The following MTA3 variants were observed in gnomAD, a reference collection of about 807,000 sequenced individuals.
MTA3 encodes metastasis-associated protein MTA3.
A neutral mutation model predicts 83.5 loss-of-function variants in MTA3; 34 were observed. The ratio of observed to expected loss-of-function variants is 0.41; its 90% CI spans 0.31 to 0.54. MTA3 has a LOEUF of 0.54. Among genes scored for constraint, MTA3 ranks in the 20% least tolerant of loss-of-function variants. MTA3 has a pLI of 0.33. For missense variants in MTA3, 761 were observed against 726.4 expected (o/e 1.05, Z -0.55); for synonymous variants, 303 against 252.7 (o/e 1.20, Z -1.89).
chr2:42,612,806 A>G (rs1684387159), intron 4 of MTA3, among the ~76,000 whole-genome samples: 1 of 152,172 alleles, frequency 6.6e-6, no homozygotes, highest in South Asian at 2.1e-4. Flanking sequence ...GGTTGCAGTG[A>G]GCCAAGATCG....
chr2:42,658,020 C>T (rs11888168), intron 7 of MTA3, among the ~76,000 whole-genome samples: 21,626 of 137,996 alleles, frequency 0.16, 1,732 homozygotes, highest in Middle Eastern at 0.25. Context: ...TGCAGTAAGC[C>T]GAGATCGCAC....
At chr2:42,687,154 A>T (rs1351124281) in intron 9 of MTA3, among the ~76,000 whole-genome samples, 1 of 152,068 alleles carries the variant, frequency 6.6e-6, no homozygotes, top group Admixed American at 6.6e-5. Flanking sequence ...CATCACCACA[A>T]TCAAGACACA....
intron 13 of MTA3, 44 bp downstream of exon 13, chr2:42,708,098 T>C (rs1666255907): frequency 6.4e-7 from 1 of 1,558,642 alleles, no homozygotes; most frequent in Non-Finnish European, 8.6e-7. Context: ...TGTTTTTAAA[T>C]GGGTTGATTA....
At chr2:42,612,322 C>G (rs942649601) in intron 4 of MTA3, among the ~76,000 whole-genome samples, 3 of 152,054 alleles carry the variant, frequency 2.0e-5, no homozygotes, top group Non-Finnish European at 4.4e-5. Context: ...TCAAGCGATC[C>G]TCCCACCTCA....
chr2:42,593,442 G>C (rs931322095), intron 3 of MTA3, among the ~76,000 whole-genome samples: 8 of 152,130 alleles, frequency 5.3e-5, no homozygotes, highest in Non-Finnish European at 8.8e-5. Flanking sequence ...AATTCTATGT[G>C]CTATACATTT....
At chr2:42,753,241 T>C in intron 16 of MTA3, 133 bp from the exon 17 acceptor site, 1 of 1,485,492 alleles carries the variant, frequency 6.7e-7, no homozygotes, top group East Asian at 2.5e-5. Context: ...GTCATGAGAT[T>C]TTCTTTGACC....
At chr2:42,697,552 C>G in intron 10 of MTA3, among the ~76,000 whole-genome samples, 1 of 152,136 alleles carries the variant, frequency 6.6e-6, no homozygotes, top group Middle Eastern at 3.4e-3. Flanking sequence ...TTTTTTTAAA[C>G]CTATGCCTAA....
chr2:42,699,243 C>T (rs200959445), intron 11 of MTA3, among the ~76,000 whole-genome samples: 3 of 152,090 alleles, frequency 2.0e-5, no homozygotes, highest in Non-Finnish European at 4.4e-5. Context: ...GCTCTGTCAC[C>T]GTGGTTTAAG....
At chr2:42,578,633 G>T (rs1679301462) in intron 2 of MTA3, among the ~76,000 whole-genome samples, 1 of 152,210 alleles carries the variant, frequency 6.6e-6, no homozygotes, top group Non-Finnish European at 1.5e-5. Flanking sequence ...ATACTTAGGG[G>T]AGGGCTTGGT....
chr2:42,542,477 C>G (rs886667977), intron 2 of MTA3, among the ~76,000 whole-genome samples: 1 of 152,150 alleles, frequency 6.6e-6, no homozygotes, highest in Non-Finnish European at 1.5e-5. Flanking sequence ...TCAATATTAA[C>G]CGTCACACGT....
At chr2:42,753,164 A>G (rs1273648101) in intron 16 of MTA3, among the ~76,000 whole-genome samples, 3 of 152,108 alleles carry the variant, frequency 2.0e-5, no homozygotes, top group African/African-American at 7.2e-5. Flanking sequence ...TCTGGCCTCA[A>G]GCCATCCACC....
At chr2:42,724,986 C>T (rs910241589) in intron 16 of MTA3, among the ~76,000 whole-genome samples, 1 of 152,166 alleles carries the variant, frequency 6.6e-6, no homozygotes, top group Admixed American at 6.6e-5. Context: ...GGGAAAGACC[C>T]ATCTTATTTT....
intron 8 of MTA3, among the ~76,000 whole-genome samples, chr2:42,675,057 G>C (rs1691211487): frequency 6.6e-6 from 1 of 151,794 alleles, no homozygotes; most frequent in Admixed American, 6.6e-5. Flanking sequence ...AAAAGCTCTG[G>C]GATTACATGC....
At chr2:42,729,615 T>C (rs941699303) in intron 16 of MTA3, among the ~76,000 whole-genome samples, 8 of 152,204 alleles carry the variant, frequency 5.3e-5, no homozygotes, top group Admixed American at 1.3e-4. Flanking sequence ...TGTATAGATT[T>C]GTTTCTGGGT....
intron 8 of MTA3, among the ~76,000 whole-genome samples, chr2:42,662,894 G>T (rs963099175): frequency 6.6e-6 from 1 of 151,924 alleles, no homozygotes; most frequent in Non-Finnish European, 1.5e-5. Context: ...ACCACACCTA[G>T]CTAATTTTTG....
chr2:42,549,382 A>G (rs1314135916), intron 2 of MTA3, among the ~76,000 whole-genome samples: 1 of 120,370 alleles, frequency 8.3e-6, no homozygotes, highest in Non-Finnish European at 1.6e-5. Context: ...TATATAAAAT[A>G]TATGTATATA....
chr2:42,659,128 T>G (rs1226155592), intron 7 of MTA3, among the ~76,000 whole-genome samples: 1 of 151,946 alleles, frequency 6.6e-6, no homozygotes, highest in Non-Finnish European at 1.5e-5. Flanking sequence ...ATAAAAAATC[T>G]CTTCCATAGC....
At chr2:42,732,508 C>G (rs1267028094) in intron 16 of MTA3, among the ~76,000 whole-genome samples, 1 of 152,214 alleles carries the variant, frequency 6.6e-6, no homozygotes, top group Non-Finnish European at 1.5e-5. Context: ...CTTCCTGAGC[C>G]TCCAGGCCTG....
chr2:42,669,010 A>T (rs1420089354), intron 8 of MTA3, among the ~76,000 whole-genome samples: 3 of 151,778 alleles, frequency 2.0e-5, no homozygotes, highest in Admixed American at 2.0e-4. Flanking sequence ...TTTGTTTGTG[A>T]GTCTTGTTTC....
Sources: allele counts gnomAD v4.1 joint callset (sites outside exome capture counted in the v4.1 genomes callset), GRCh38; gene constraint gnomAD v4.1.1; transcripts MANE v1.5; gene names NCBI Gene and HGNC (gene_info 2026-07-23, HGNC 2026-07-21).